The following VAV3 variants were observed in gnomAD, a reference collection of about 807,000 sequenced individuals.
The protein encoded by VAV3 is guanine nucleotide exchange factor VAV3.
Under a neutral mutation model 131.2 loss-of-function variants are expected in VAV3, and 94 were observed. The ratio of observed to expected loss-of-function variants is 0.72; its 90% CI spans 0.61 to 0.85. The LOEUF (loss-of-function observed/expected upper bound fraction) is 0.85, where lower values mean the gene tolerates loss of function less well. Among genes scored for constraint, VAV3 ranks in the 40% least tolerant of loss-of-function variants. VAV3 has a pLI of 0.00. For synonymous variants in VAV3, 349 were observed against 342.0 expected (o/e 1.02, Z -0.22); for missense variants, 939 against 1,002.7 (o/e 0.94, Z 0.86).
chr1:107,829,715 TA>T (rs545664069), intron 2 of VAV3, among the ~76,000 whole-genome samples: 59 of 152,280 alleles, frequency 3.9e-4, no homozygotes, highest in South Asian at 2.5e-3. Context: ...ATATGAGAAC[TA>T]AAAAATGTGA....
intron 19 of VAV3, among the ~76,000 whole-genome samples, chr1:107,677,540 C>T (rs887256627): frequency 1.3e-5 from 2 of 152,118 alleles, no homozygotes; most frequent in African/African-American, 2.4e-5. Flanking sequence ...CCATATCTGA[C>T]GTTCTAAGTA....
At chr1:107,890,792 C>T in intron 1 of VAV3, among the ~76,000 whole-genome samples, 1 of 152,216 alleles carries the variant, frequency 6.6e-6, no homozygotes, top group Middle Eastern at 3.4e-3. Context: ...CCAAACTTAG[C>T]CATTTTTCTA....
At chr1:107,730,797 C>T (rs1662191407) in intron 15 of VAV3, among the ~76,000 whole-genome samples, 1 of 152,098 alleles carries the variant, frequency 6.6e-6, no homozygotes, top group Non-Finnish European at 1.5e-5. Flanking sequence ...ATACCTCTTG[C>T]TTATAAAACA....
intron 19 of VAV3, among the ~76,000 whole-genome samples, chr1:107,647,972 T>C (rs1194533680): frequency 6.6e-6 from 1 of 151,984 alleles, no homozygotes; most frequent in Non-Finnish European, 1.5e-5. Flanking sequence ...CATGACTTTT[T>C]CATTGATCTG....
intron 20 of VAV3, among the ~76,000 whole-genome samples, chr1:107,626,226 C>T (rs1056526322): frequency 2.6e-5 from 4 of 152,176 alleles, no homozygotes; most frequent in Admixed American, 6.5e-5. Flanking sequence ...ACAGTCTGTA[C>T]ACTTGGAAAC....
At chr1:107,815,466 G>A (rs531197816) in intron 2 of VAV3, among the ~76,000 whole-genome samples, 4 of 152,322 alleles carry the variant, frequency 2.6e-5, no homozygotes, top group South Asian at 2.1e-4. Flanking sequence ...ATTCAATGAT[G>A]TGATTTTACG....
At chr1:107,901,840 C>T (rs980871787) in intron 1 of VAV3, among the ~76,000 whole-genome samples, 40 of 151,946 alleles carry the variant, frequency 2.6e-4, no homozygotes, top group African/African-American at 9.4e-4. Flanking sequence ...GTCAGCAGTT[C>T]GAGATCAGCC....
intron 25 of VAV3, chr1:107,578,956 T>C (rs1649843917): frequency 1.0e-6 from 1 of 961,564 alleles, no homozygotes; most frequent in Non-Finnish European, 1.2e-6. Flanking sequence ...CAACAATAGG[T>C]AGGTAAATTA....
intron 1 of VAV3, among the ~76,000 whole-genome samples, chr1:107,903,012 A>T (rs917693089): frequency 1.3e-5 from 2 of 152,224 alleles, no homozygotes; most frequent in African/African-American, 4.8e-5. Context: ...ATAATCTGCT[A>T]GTGTGAAAGA....
intron 1 of VAV3, among the ~76,000 whole-genome samples, chr1:107,890,146 C>A (rs1394868104): frequency 6.6e-6 from 1 of 152,146 alleles, no homozygotes; most frequent in Admixed American, 6.5e-5. Flanking sequence ...ATCACCGTAT[C>A]AGCAAGAAGT....
intron 1 of VAV3, among the ~76,000 whole-genome samples, chr1:107,890,391 T>C (rs1013097901): frequency 6.6e-6 from 1 of 152,180 alleles, no homozygotes; most frequent in African/African-American, 2.4e-5. Context: ...AAAGTACTTC[T>C]TGGTCTTTTC....
At position 107,578,794 on chromosome 1, in the gene VAV3, A is replaced by G. The variant is rs983090859; in HGVS notation, c.2351-4596T>C. 91 of 985,024 alleles carry G rather than the reference A, an allele frequency of 9.2e-5. No homozygotes were observed. The African/African-American group carries it at 1.5e-3, about 16-fold the overall frequency. 61.0% of individuals were successfully genotyped at this position (985,024 alleles called of 1,614,324 possible). ...GTGTCTCTCTCTCTGGGACTATTTTATCCATAAAGAAATAAAACACTATAT... is the reference window on the plus strand; with the variant it reads ...GTGTCTCTCTCTCTGGGACTATTTTGTCCATAAAGAAATAAAACACTATAT... On this transcript the variant is annotated intron_variant, in intron 25 of 26. Coordinates refer to ENST00000370056, the MANE Select transcript of VAV3 (RefSeq NM_006113.5).
intron 1 of VAV3, among the ~76,000 whole-genome samples, chr1:107,941,050 C>T (rs891120530): frequency 1.3e-5 from 2 of 151,936 alleles, no homozygotes; most frequent in Non-Finnish European, 2.9e-5. Flanking sequence ...TAATTTTGGC[C>T]CCATGCATAC....
At chr1:107,773,398 T>C (rs1301731239) in intron 4 of VAV3, among the ~76,000 whole-genome samples, 5 of 152,216 alleles carry the variant, frequency 3.3e-5, no homozygotes, top group Admixed American at 6.5e-5. Context: ...ATGTCATAAG[T>C]GGTCTTATAA....
In VAV3 at chr1:107,704,763, T is replaced by C. The variant is rs72977659; in HGVS notation, c.1605-113A>G. 2.2e-3 allele frequency: 2,173 copies of C among 1,005,820 alleles called. 22 individuals carry two copies. In the African/African-American group the frequency reaches 0.022, roughly 10 times the overall value. 62.3% of individuals were successfully genotyped at this position (1,005,820 alleles called of 1,614,324 possible). On this transcript the variant is annotated intron_variant, in intron 16 of 26. Transcript: ENST00000370056. ...AACAGTGCTCTTCAAGGTACCCCCT[T>C]GGTAGAGGGAGACGAGCTTGCCAGA...
intron 22 of VAV3, among the ~76,000 whole-genome samples, chr1:107,606,511 C>T (rs1309536428): frequency 1.3e-5 from 2 of 152,106 alleles, no homozygotes; most frequent in Non-Finnish European, 2.9e-5. Flanking sequence ...TTGATAATTG[C>T]TGCCCTTGGT....
intron 1 of VAV3, among the ~76,000 whole-genome samples, chr1:107,885,016 T>C (rs1219131866): frequency 1.3e-5 from 2 of 152,076 alleles, no homozygotes; most frequent in East Asian, 3.9e-4. Context: ...ATAGCAGTGG[T>C]GGTCGTAGCA....
intron 1 of VAV3, among the ~76,000 whole-genome samples, chr1:107,946,043 T>G (rs1674247385): frequency 1.3e-5 from 2 of 152,038 alleles, no homozygotes; most frequent in African/African-American, 4.8e-5. Flanking sequence ...GGGTCCATAC[T>G]CCAAGCATGG....
intron 1 of VAV3, among the ~76,000 whole-genome samples, chr1:107,894,713 G>T (rs945663871): frequency 6.6e-6 from 1 of 152,092 alleles, no homozygotes; most frequent in African/African-American, 2.4e-5. Context: ...GCAAACTGTA[G>T]AACAGTGACT....
Sources: allele counts gnomAD v4.1 joint callset (sites outside exome capture counted in the v4.1 genomes callset), GRCh38; gene constraint gnomAD v4.1.1; transcripts MANE v1.5; gene names NCBI Gene and HGNC (gene_info 2026-07-23, HGNC 2026-07-21).